Variants in TECRL observed in about 807,000 individuals in gnomAD.
TECRL encodes trans-2,3-enoyl-CoA reductase like.
In TECRL, 63 loss-of-function variants were observed where a neutral mutation model predicts 52.8. The observed-to-expected ratio is 1.19, with a 90% CI of 0.97 to 1.47. The LOEUF is 1.47. Ranked by LOEUF, TECRL falls within the 40% of genes most tolerant of loss-of-function variation. The pLI, the probability that TECRL is intolerant of heterozygous loss-of-function variation, is 0.00. For missense variants in TECRL, 482 were observed against 429.6 expected (o/e 1.12, Z -1.08); for synonymous variants, 164 against 141.9 (o/e 1.16, Z -1.10).
intron 1 of TECRL, among the ~76,000 whole-genome samples, chr4:64,396,937 T>C (rs957730433): frequency 6.6e-6 from 1 of 152,062 alleles, no homozygotes; most frequent in Non-Finnish European, 1.5e-5. Context: ...TTGTTTTTGT[T>C]GACTGTGTTG....
At chr4:64,299,917 T>C in intron 8 of TECRL, 57 bp downstream of exon 8, 1 of 1,081,222 alleles carries the variant, frequency 9.2e-7, no homozygotes, top group South Asian at 1.9e-5. Context: ...ACAGTCTGTT[T>C]TTCTTAATAA....
At chr4:64,401,141 G>A (rs181609491) in intron 1 of TECRL, among the ~76,000 whole-genome samples, 24 of 152,160 alleles carry the variant, frequency 1.6e-4, no homozygotes, top group East Asian at 3.9e-4. Context: ...TATCTTCCAC[G>A]TAGTTGACAG....
At chr4:64,391,724 G>A (rs1723562395) in intron 1 of TECRL, among the ~76,000 whole-genome samples, 1 of 151,782 alleles carries the variant, frequency 6.6e-6, no homozygotes, top group Non-Finnish European at 1.5e-5. Context: ...AACTCATATA[G>A]CCAGTTTATT....
intron 2 of TECRL, among the ~76,000 whole-genome samples, chr4:64,340,859 C>T (rs530982061): frequency 3.9e-5 from 6 of 152,298 alleles, no homozygotes; most frequent in East Asian, 1.9e-4. Flanking sequence ...AGTACACTTC[C>T]TTCCATCTGA....
chr4:64,325,530 A>C (rs1718204112), intron 3 of TECRL, among the ~76,000 whole-genome samples: 1 of 152,174 alleles, frequency 6.6e-6, no homozygotes, highest in South Asian at 2.1e-4. Flanking sequence ...CTAATAAATG[A>C]TAGTTTTTTT....
rs1032676178 is a variant in TECRL, at chr4:64,292,112, A to T, written c.775-2345T>A. 2.0e-5 allele frequency among the ~76,000 whole-genome samples: 3 copies of T among 152,120 alleles called. No homozygotes were observed. The East Asian group carries it at 5.8e-4, about 29-fold the overall frequency. On this transcript the variant is annotated intron_variant, in intron 8 of 11. Coordinates refer to ENST00000381210, the MANE Select transcript of TECRL (RefSeq NM_001010874.5). ...TCCTTTTAGGTAAAGGCTGAGTAAG[A>T]TCAAGAAGCTCAGTCAGTGCTGTAA...
chr4:64,375,078 T>TA (rs1722300471), intron 2 of TECRL, 94 bp downstream of exon 2: 1 of 502,830 alleles, frequency 2.0e-6, no homozygotes, highest in African/African-American at 2.0e-5. Flanking sequence ...ATGGTTTTCA[T>TA]ACACTCTAAC....
rs5858876 is a variant in TECRL, at chr4:64,314,590, GGTGTGT to G, written c.551+52_551+57del. Reference sequence around the variant, plus strand: ...AGTTCATCCCCTCCTTAACGTGTATGGTGTGTGTGTGTGTGTGTGTGTGTGTGTGTG... The same window carrying G: ...AGTTCATCCCCTCCTTAACGTGTATGGTGTGTGTGTGTGTGTGTGTGTGTG... On this transcript the variant is annotated intron_variant, in intron 5 of 11. Coordinates refer to ENST00000381210, the MANE Select transcript of TECRL (RefSeq NM_001010874.5). 121,929 of 732,658 alleles carry G rather than the reference GGTGTGT, an allele frequency of 0.17. 6,006 individuals carry two copies. Among genetic ancestry groups the G allele is most frequent in the Non-Finnish European group, 0.18 (78,511 of 431,132 alleles). The allele number at this position is 732,658 out of a possible 1,614,324, so 45.4% of individuals were successfully genotyped here. A position where few individuals can be genotyped will look rare whatever the true frequency, so the allele number is the denominator to read the frequency against.
At chr4:64,350,587 T>C (rs1720316708) in intron 2 of TECRL, among the ~76,000 whole-genome samples, 1 of 152,186 alleles carries the variant, frequency 6.6e-6, no homozygotes, top group Non-Finnish European at 1.5e-5. Flanking sequence ...AATATTTAAA[T>C]AGGTGGACTT....
At chr4:64,354,943 T>C (rs1447870144) in intron 2 of TECRL, among the ~76,000 whole-genome samples, 1 of 152,180 alleles carries the variant, frequency 6.6e-6, no homozygotes, top group Admixed American at 6.5e-5. Flanking sequence ...GTAAACTATT[T>C]TCCTTTAGTA....
chr4:64,362,671 A>G (rs1721280253), intron 2 of TECRL, among the ~76,000 whole-genome samples: 1 of 152,136 alleles, frequency 6.6e-6, no homozygotes, highest in African/African-American at 2.4e-5. Flanking sequence ...TTACCACCAG[A>G]CTGCCTTACA....
chr4:64,340,266 C>T (rs1719462555), intron 2 of TECRL, among the ~76,000 whole-genome samples: 1 of 152,170 alleles, frequency 6.6e-6, no homozygotes. Context: ...AGACCCCAGC[C>T]TCTCACTCCA....
chr4:64,352,013 T>C (rs1169387675), intron 2 of TECRL, among the ~76,000 whole-genome samples: 2 of 152,172 alleles, frequency 1.3e-5, no homozygotes, highest in South Asian at 2.1e-4. Context: ...AAAAGAAAAA[T>C]TGAACTAATA....
intron 2 of TECRL, among the ~76,000 whole-genome samples, chr4:64,362,440 T>C (rs898285772): frequency 9.3e-5 from 14 of 151,292 alleles, no homozygotes; most frequent in African/African-American, 3.4e-4. Context: ...AATAAATAAA[T>C]AAAGGCAGTT....
At chr4:64,355,781 T>C (rs28558192) in intron 2 of TECRL, among the ~76,000 whole-genome samples, 90,822 of 139,410 alleles carry the variant, frequency 0.65, 31,015 homozygotes, top group Non-Finnish European at 0.75. Flanking sequence ...GGCAACAGAG[T>C]GAGACTCTGT....
In TECRL at chr4:64,339,753, T is replaced by C. The variant is rs563677896; in HGVS notation, c.287-11197A>G. On this transcript the variant is annotated intron_variant, in intron 2 of 11. Transcript: ENST00000381210. ...AATGCACTACCCCCAAACTAGAGAT[T>C]TCAAATATCTTACTTCTTATAATCA... 2.0e-5 allele frequency among the ~76,000 whole-genome samples: 3 copies of C among 152,220 alleles called. No individual in the cohort carries two copies. The East Asian group carries it at 5.8e-4, about 30-fold the overall frequency.
At chr4:64,358,581 T>C (rs1052949195) in intron 2 of TECRL, among the ~76,000 whole-genome samples, 12 of 151,680 alleles carry the variant, frequency 7.9e-5, no homozygotes, top group African/African-American at 2.7e-4. Flanking sequence ...AGTAAGTGTA[T>C]AATACTTTAT....
chr4:64,372,719 T>C (rs1389668317), intron 2 of TECRL, among the ~76,000 whole-genome samples: 1 of 151,232 alleles, frequency 6.6e-6, no homozygotes, highest in African/African-American at 2.4e-5. Context: ...ACAAGAATTC[T>C]GCCTTCAGGA....
intron 2 of TECRL, among the ~76,000 whole-genome samples, chr4:64,335,773 T>C (rs1159771290): frequency 6.6e-6 from 1 of 152,214 alleles, no homozygotes; most frequent in East Asian, 1.9e-4. Context: ...GAAAGAGTAT[T>C]AGGAGTCCTT....
Sources: allele counts gnomAD v4.1 joint callset (sites outside exome capture counted in the v4.1 genomes callset), GRCh38; gene constraint gnomAD v4.1.1; transcripts MANE v1.5; gene names NCBI Gene and HGNC (gene_info 2026-07-23, HGNC 2026-07-21).